FBXO31: variants seen among roughly 807,000 people sequenced by gnomAD.
FBXO31 encodes F-box only protein 31.
Under a neutral mutation model 54.4 loss-of-function variants are expected in FBXO31, and 24 were observed. The ratio of observed to expected loss-of-function variants is 0.44; its 90% confidence interval spans 0.32 to 0.62. The LOEUF is 0.62. Among genes scored for constraint, FBXO31 ranks in the 20% least tolerant of loss-of-function variants. The pLI, the probability that FBXO31 is intolerant of heterozygous loss-of-function variation, is 0.05. For synonymous variants in FBXO31, 388 were observed against 335.6 expected, an observed-to-expected ratio of 1.16 and a Z score of -1.71; for missense variants, 665 against 787.1, an observed-to-expected ratio of 0.84 and a Z score of 1.86.
intron 1 of FBXO31, among the ~76,000 whole-genome samples, chr16:87,376,920 A>C (rs1214383789): frequency 6.6e-6 from 1 of 152,228 alleles, no homozygotes; most frequent in Admixed American, 6.5e-5. Context: ...TCTATCTCAT[A>C]TACGACTATT....
At chr16:87,342,778 C>T (rs1383747019) in intron 5 of FBXO31, 99 bp downstream of exon 5, 7 of 961,646 alleles carry the variant, frequency 7.3e-6, no homozygotes, top group Admixed American at 5.2e-5. Context: ...CCATGCAGGT[C>T]GCATGCTGCT....
At chr16:87,366,269 G>C (rs988579720) in intron 1 of FBXO31, among the ~76,000 whole-genome samples, 1 of 152,214 alleles carries the variant, frequency 6.6e-6, no homozygotes, top group Non-Finnish European at 1.5e-5. Flanking sequence ...GCCATACTAA[G>C]AGAAGACGGT....
chr16:87,389,102 G>T (rs1907425011), intron 1 of FBXO31, among the ~76,000 whole-genome samples: 1 of 151,782 alleles, frequency 6.6e-6, no homozygotes. Flanking sequence ...AAAGTTACAT[G>T]AAGTTGTTTC....
At chr16:87,355,084 G>A (rs1597369478) in intron 2 of FBXO31, among the ~76,000 whole-genome samples, 2 of 151,286 alleles carry the variant, frequency 1.3e-5, no homozygotes, top group East Asian at 4.0e-4. Context: ...TCAGCCAGGC[G>A]CAGTGGCTCA....
At chr16:87,347,324 G>C in intron 2 of FBXO31, 74 bp from the exon 3 acceptor site, 2 of 1,291,024 alleles carry the variant, frequency 1.5e-6, no homozygotes, top group Non-Finnish European at 2.3e-6. Flanking sequence ...ACCCCGAGAG[G>C]GAGGAAGGAA....
chr16:87,386,841 G>C (rs779340900), upstream of FBXO31, among the ~76,000 whole-genome samples: 2 of 152,158 alleles, frequency 1.3e-5, no homozygotes, highest in Non-Finnish European at 2.9e-5. Flanking sequence ...AATAAAAAAT[G>C]AGCTGTTTGA....
chr16:87,369,882 A>G (rs1283630466), intron 1 of FBXO31, among the ~76,000 whole-genome samples: 1 of 152,242 alleles, frequency 6.6e-6, no homozygotes, highest in Non-Finnish European at 1.5e-5. Flanking sequence ...TTTCAAAAAA[A>G]AAATGCTATT....
At chr16:87,340,675 C>T (rs573348266) in intron 5 of FBXO31, among the ~76,000 whole-genome samples, 14 of 152,264 alleles carry the variant, frequency 9.2e-5, no homozygotes, top group Non-Finnish European at 1.3e-4. Context: ...ATTAAAAATA[C>T]GGCTGGGCGT....
intron 2 of FBXO31, among the ~76,000 whole-genome samples, chr16:87,357,072 C>A (rs1905922749): frequency 6.6e-6 from 1 of 151,950 alleles, no homozygotes; most frequent in South Asian, 2.1e-4. Context: ...ATAGTGAGAC[C>A]CGTCACTACA....
intron 2 of FBXO31, among the ~76,000 whole-genome samples, chr16:87,350,143 G>A (rs968262967): frequency 3.9e-5 from 6 of 152,044 alleles, no homozygotes; most frequent in African/African-American, 7.2e-5. Flanking sequence ...GGCAGTGGGG[G>A]CCATGGGGGT....
At chr16:87,357,175 T>G (rs1279834691) in intron 2 of FBXO31, among the ~76,000 whole-genome samples, 1 of 151,362 alleles carries the variant, frequency 6.6e-6, no homozygotes, top group African/African-American at 2.4e-5. Flanking sequence ...AGCCCAGGAG[T>G]TCAAGGATAC....
chr16:87,378,635 C>T (rs372838250), intron 1 of FBXO31, among the ~76,000 whole-genome samples: 14 of 152,322 alleles, frequency 9.2e-5, no homozygotes, highest in East Asian at 7.7e-4. Context: ...CAACACCACT[C>T]CTGGATATAA....
intron 1 of FBXO31, among the ~76,000 whole-genome samples, chr16:87,382,585 C>G (rs1680152450): frequency 1.3e-5 from 2 of 152,192 alleles, no homozygotes; most frequent in Non-Finnish European, 2.9e-5. Flanking sequence ...TCTACGCCCC[C>G]ACCATCAGGA....
chr16:87,350,958 A>G (rs1242530585), intron 2 of FBXO31, among the ~76,000 whole-genome samples: 1 of 152,236 alleles, frequency 6.6e-6, no homozygotes, highest in African/African-American at 2.4e-5. Context: ...CGTGTTGGTC[A>G]AAGCGACAAC....
In FBXO31 at chr16:87,336,287, G is replaced by A. The variant is rs775699225; in HGVS notation, c.733-23C>T. 12 of 1,604,878 alleles carry A rather than the reference G, an allele frequency of 7.5e-6. No individual in the cohort carries two copies. Among genetic ancestry groups the A allele is most frequent in the African/African-American group, 1.3e-5 (1 of 74,908 alleles). On this transcript the variant is annotated intron_variant, in intron 5 of 8. Transcript: ENST00000311635. This position sits in a 1 kb window ranked among gnomAD's most constrained non-coding sequence, Gnocchi z 6.5. Reference sequence around the variant, plus strand: ...CTCCTTCCAAAAGAACACAGGTCATGAATATCCATATGACAGGAGGCTGTG... The same window carrying A: ...CTCCTTCCAAAAGAACACAGGTCATAAATATCCATATGACAGGAGGCTGTG...
rs190779976 is a variant in FBXO31, at chr16:87,361,474, G to A, written c.341-1108C>T. Among the ~76,000 whole-genome samples the A allele has an allele frequency of 2.4e-3, 359 of 152,288 alleles. 3 individuals are homozygous for A. The highest frequency in any genetic ancestry group is 8.3e-3 in the African/African-American group (344 of 41,558). On this transcript the variant is annotated intron_variant, in intron 1 of 8. Transcript: ENST00000311635. ...TGACTGTGTTATGCCCTGTGCAGGC[G>A]TGAGAGCCTGACAGTGACCTTGAAG...
chr16:87,380,286 G>C (rs1157377286), intron 1 of FBXO31, among the ~76,000 whole-genome samples: 4 of 110,796 alleles, frequency 3.6e-5, no homozygotes, highest in Non-Finnish European at 6.6e-5. Context: ...GACAGAGCGA[G>C]ACTCCGTCTC....
chr16:87,348,276 C>G (rs1905483432), intron 2 of FBXO31, among the ~76,000 whole-genome samples: 1 of 152,224 alleles, frequency 6.6e-6, no homozygotes, highest in Non-Finnish European at 1.5e-5. Flanking sequence ...CAGCCCAGCC[C>G]AGCCCCTCTC....
intron 1 of FBXO31, among the ~76,000 whole-genome samples, chr16:87,377,097 G>A (rs948985793): frequency 5.3e-5 from 8 of 152,160 alleles, no homozygotes; most frequent in African/African-American, 9.7e-5. Flanking sequence ...GTAACTTTGG[G>A]GTGTAAACTG....
Sources: allele counts gnomAD v4.1 joint callset (sites outside exome capture counted in the v4.1 genomes callset), GRCh38; gene constraint gnomAD v4.1.1; non-coding constraint Gnocchi (gnomAD v3.1); transcripts MANE v1.5; gene names NCBI Gene and HGNC (gene_info 2026-07-23, HGNC 2026-07-21).